Variants in EML6 observed in about 807,000 individuals in gnomAD.
The protein encoded by EML6 is EMAP like 6.
Under a neutral mutation model 240.1 loss-of-function variants are expected in EML6, and 154 were observed. The observed-to-expected ratio is 0.64, with a 90% CI of 0.56 to 0.73. The LOEUF is 0.73. Ranked by LOEUF, EML6 falls within the 30% of genes least tolerant of loss-of-function variation. The pLI is 0.00. For missense variants in EML6, 2,964 were observed against 2,474.6 expected, an observed-to-expected ratio of 1.20 and a Z score of -4.20; for synonymous variants, 1,148 against 899.0, an observed-to-expected ratio of 1.28 and a Z score of -4.95.
intron 2 of EML6, among the ~76,000 whole-genome samples, chr2:54,728,108 G>T (rs1682989494): frequency 6.6e-6 from 1 of 152,192 alleles, no homozygotes; most frequent in Non-Finnish European, 1.5e-5. Context: ...AGAAGATGAT[G>T]CCATATTTTA....
intron 5 of EML6, among the ~76,000 whole-genome samples, chr2:54,823,556 G>A (rs1668429281): frequency 6.6e-6 from 1 of 152,128 alleles, no homozygotes; most frequent in South Asian, 2.1e-4. Context: ...AGTCAAAGAT[G>A]TTATCTGCCA....
chr2:54,746,256 T>G (rs1683904517), intron 2 of EML6, among the ~76,000 whole-genome samples: 2 of 152,212 alleles, frequency 1.3e-5, no homozygotes, highest in African/African-American at 2.4e-5. Flanking sequence ...AGATTCAACA[T>G]GCCCAAGATG....
intron 2 of EML6, among the ~76,000 whole-genome samples, chr2:54,789,539 AAAAAAAAAAG>A (rs1558549468): frequency 7.1e-6 from 1 of 141,746 alleles, no homozygotes; most frequent in African/African-American, 2.6e-5. Flanking sequence ...AAAAAAAAAA[AAAAAAAAAAG>A]AAAAAGAATG....
intron 9 of EML6, 43 bp from the exon 10 acceptor site, chr2:54,849,919 T>C: frequency 6.7e-7 from 1 of 1,500,162 alleles, no homozygotes; most frequent in Non-Finnish European, 9.0e-7. Context: ...GGATTTTCTA[T>C]TTGTAGAATT....
At chr2:54,900,321 T>C (rs149638678) in intron 22 of EML6, among the ~76,000 whole-genome samples, 86 of 152,332 alleles carry the variant, frequency 5.6e-4, no homozygotes, top group Non-Finnish European at 1.1e-3. Context: ...GTCCCATCTC[T>C]AGTGTCAGAG....
intron 22 of EML6, among the ~76,000 whole-genome samples, chr2:54,901,759 G>T (rs763790072): frequency 6.6e-6 from 1 of 152,194 alleles, no homozygotes; most frequent in African/African-American, 2.4e-5. Flanking sequence ...TGGTAAAGAG[G>T]CTCGGTATTA....
chr2:54,862,338 T>TTAAA (rs1491264747), intron 12 of EML6, among the ~76,000 whole-genome samples: 53 of 37,726 alleles, frequency 1.4e-3, no homozygotes, highest in South Asian at 3.0e-3. Context: ...ACTCCATCTC[T>TTAAA]AAAAAAAAAA....
At chr2:54,728,385 C>A (rs1333305471) in intron 2 of EML6, among the ~76,000 whole-genome samples, 1 of 152,224 alleles carries the variant, frequency 6.6e-6, no homozygotes, top group Non-Finnish European at 1.5e-5. Flanking sequence ...TCACTCTGGA[C>A]CACTATATGT....
chr2:54,825,404 T>C (rs757192392), intron 5 of EML6, among the ~76,000 whole-genome samples: 3 of 152,134 alleles, frequency 2.0e-5, no homozygotes, highest in Non-Finnish European at 4.4e-5. Flanking sequence ...AAAAAAACTT[T>C]ATTACAGGTG....
At chr2:54,916,729 A>G (rs2104320542) in intron 25 of EML6, 30 bp from the exon 26 acceptor site, 2 of 1,465,374 alleles carry the variant, frequency 1.4e-6, no homozygotes, top group East Asian at 5.0e-5. Context: ...AGGTTGTGCA[A>G]AAATATCATT....
intron 7 of EML6, among the ~76,000 whole-genome samples, chr2:54,835,916 C>T (rs1244848876): frequency 2.0e-5 from 3 of 152,216 alleles, no homozygotes; most frequent in African/African-American, 4.8e-5. Flanking sequence ...AAAAGACCAA[C>T]TCTCAAACCT....
intron 32 of EML6, among the ~76,000 whole-genome samples, chr2:54,955,424 A>G (rs1364906995): frequency 6.6e-6 from 1 of 152,130 alleles, no homozygotes; most frequent in Non-Finnish European, 1.5e-5. Flanking sequence ...GAATACTTTC[A>G]AGGATGTGGC....
intron 38 of EML6, chr2:54,966,789 G>A: frequency 2.6e-6 from 1 of 391,914 alleles, no homozygotes; most frequent in Non-Finnish European, 4.7e-6. Context: ...CTGGAAAATA[G>A]CGAGAAAATG....
chr2:54,791,532 C>G (rs1475065999), intron 2 of EML6, among the ~76,000 whole-genome samples: 1 of 152,094 alleles, frequency 6.6e-6, no homozygotes, highest in Non-Finnish European at 1.5e-5. Context: ...TCAGTTTGTC[C>G]CCACTTCTAG....
rs532638695 is a variant in EML6 at position 54,789,839 on chromosome 2, C to T, written c.198-23393C>T. ...CCAGCACACATGCTGCTTTCCTTAC[C>T]AGGGCTTGCTTCTACCTAAATAGTA... is the stretch of plus-strand genomic sequence containing the variant. On this transcript the variant is annotated intron_variant, in intron 2 of 41. Transcript: ENST00000356458. Among the ~76,000 whole-genome samples, 4 of 152,250 alleles carry T rather than the reference C, an allele frequency of 2.6e-5. No individual in the cohort carries two copies. In the East Asian group the frequency reaches 5.8e-4, roughly 22 times the overall value.
intron 11 of EML6, 72 bp downstream of exon 11, chr2:54,853,927 C>T (rs1279202070): frequency 5.5e-6 from 5 of 902,392 alleles, no homozygotes; most frequent in Non-Finnish European, 8.2e-6. Context: ...TAAGGCTGAT[C>T]TTCCTGCTGT....
At chr2:54,831,947 A>G (rs1231983368) in intron 7 of EML6, among the ~76,000 whole-genome samples, 2 of 152,158 alleles carry the variant, frequency 1.3e-5, no homozygotes, top group Non-Finnish European at 2.9e-5. Flanking sequence ...ACTGATTAAT[A>G]TATCTTTTTA....
In EML6 at chr2:54,944,964, T is replaced by A. The variant is rs544067766; in HGVS notation, c.4005-3918T>A. On this transcript the variant is annotated intron_variant, in intron 28 of 41. Coordinates refer to ENST00000356458, the MANE Select transcript of EML6 (RefSeq NM_001039753.4). ...CTAGAGCAGTGGTTGCTAATTTCTC[T>A]GTGTTTCTCGCCCCTCCCTTTCTCC... Among the ~76,000 whole-genome samples the A allele has an allele frequency of 4.6e-5, 7 of 151,368 alleles. No individual in the cohort carries two copies. The East Asian group carries it at 1.4e-3, about 30-fold the overall frequency.
intron 9 of EML6, among the ~76,000 whole-genome samples, chr2:54,849,207 C>T (rs1401620203): frequency 3.9e-5 from 6 of 152,102 alleles, no homozygotes; most frequent in Non-Finnish European, 5.9e-5. Context: ...TCATATAATT[C>T]GTGAAGATCA....
Sources: allele counts gnomAD v4.1 joint callset (sites outside exome capture counted in the v4.1 genomes callset), GRCh38; gene constraint gnomAD v4.1.1; transcripts MANE v1.5; gene names NCBI Gene and HGNC (gene_info 2026-07-23, HGNC 2026-07-21).